SPAST: variants seen among roughly 807,000 people sequenced by gnomAD.
SPAST encodes the protein spastin.
A neutral mutation model predicts 76.6 loss-of-function variants in SPAST; 30 were observed. That is an observed-to-expected ratio of 0.39 (90% CI 0.29 to 0.53). The LOEUF (loss-of-function observed/expected upper bound fraction) is 0.53, where lower values mean the gene tolerates loss of function less well. Ranked by LOEUF, SPAST falls within the 20% of genes least tolerant of loss-of-function variation. The pLI is 0.68. For synonymous variants in SPAST, 305 were observed against 281.0 expected (o/e 1.09, Z -0.86); for missense variants, 717 against 770.5 (o/e 0.93, Z 0.82).
At chr2:32,118,739 G>A (rs1678924262) in intron 7 of SPAST, among the ~76,000 whole-genome samples, 1 of 152,152 alleles carries the variant, frequency 6.6e-6, no homozygotes, top group Admixed American at 6.5e-5. Context: ...GAGCTGCCTG[G>A]TTAGTGCTAT....
intron 1 of SPAST, among the ~76,000 whole-genome samples, chr2:32,081,234 G>A (rs753022712): frequency 6.6e-6 from 1 of 152,116 alleles, no homozygotes; most frequent in Non-Finnish European, 1.5e-5. Flanking sequence ...TGGGATTACA[G>A]GCGTGAGCCA....
chr2:32,107,603 G>C (rs534662143), intron 4 of SPAST, among the ~76,000 whole-genome samples: 8 of 152,120 alleles, frequency 5.3e-5, no homozygotes, highest in Admixed American at 3.9e-4. Context: ...GGAAATACTG[G>C]AGTATTTTGC....
Position 32,112,805 on chromosome 2 carries a change from T to C in SPAST, c.683-1833T>C, listed in dbSNP as rs534747458. Among the ~76,000 whole-genome samples the C allele has an allele frequency of 7.9e-5, 12 of 152,220 alleles. No individual in the cohort carries two copies. In the South Asian group the frequency reaches 1.2e-3, roughly 16 times the overall value. On this transcript the variant is annotated intron_variant, in intron 4 of 16. Transcript: ENST00000315285. ...AGTTTTCTTAAACCGTATTAAGAGA[T>C]TTGATTACAAAAGTAAAATTGAGGC...
At chr2:32,093,260 G>A (rs562950422) in intron 3 of SPAST, among the ~76,000 whole-genome samples, 1 of 135,476 alleles carries the variant, frequency 7.4e-6, no homozygotes, top group Non-Finnish European at 1.5e-5. Flanking sequence ...GCAGTGAGCC[G>A]AGATCCCGCC....
chr2:32,147,139 T>C (rs1323594214), intron 15 of SPAST, 79 bp from the exon 16 acceptor site: 1 of 879,090 alleles, frequency 1.1e-6, no homozygotes, highest in Non-Finnish European at 2.0e-6. Context: ...ATGTAGATCA[T>C]TGTACTTGGT....
chr2:32,089,724 A>G, intron 3 of SPAST, 119 bp downstream of exon 3: 1 of 689,822 alleles, frequency 1.4e-6, no homozygotes, highest in Non-Finnish European at 2.6e-6. Context: ...TTTTAACATA[A>G]AGAAAACGTA....
At chr2:32,064,272 C>A in intron 1 of SPAST, 26 bp downstream of exon 1, 1 of 570,630 alleles carries the variant, frequency 1.8e-6, no homozygotes, top group Non-Finnish European at 2.5e-6. Flanking sequence ...GGGGAGGGGG[C>A]GGCGGCGCCG....
At position 32,157,151 on chromosome 2, in the gene SPAST, A is replaced by G. The variant is rs1339587498; in HGVS notation, c.*2655A>G. On this transcript the variant is annotated 3_prime_UTR_variant, in exon 17 of 17. Coordinates refer to ENST00000315285, the MANE Select transcript of SPAST (RefSeq NM_014946.4). ...ACTTCCTAAAAGATAATGCTTAAACATTAAGCATTAGTGTGCTCTTCATGT... is the reference window on the plus strand; with the variant it reads ...ACTTCCTAAAAGATAATGCTTAAACGTTAAGCATTAGTGTGCTCTTCATGT... 6.6e-6 allele frequency: 1 copy of G among 152,664 alleles called. No homozygotes were observed. Among genetic ancestry groups the G allele is most frequent in the East Asian group, 1.9e-4 (1 of 5,198 alleles). 9.5% of individuals were successfully genotyped at this position (152,664 alleles called of 1,614,324 possible).
chr2:32,123,429 C>A (rs1448282930), intron 7 of SPAST, among the ~76,000 whole-genome samples: 1 of 152,098 alleles, frequency 6.6e-6, no homozygotes. Flanking sequence ...GACAGGGAGA[C>A]TAAATATTAT....
intron 7 of SPAST, 120 bp from the exon 8 acceptor site, chr2:32,126,827 TA>T: frequency 1.5e-6 from 1 of 679,916 alleles, no homozygotes; most frequent in Non-Finnish European, 2.6e-6. Flanking sequence ...GTGTTTCCTT[TA>T]AAGCTATGGG....
chr2:32,086,781 A>G (rs1437629062), intron 1 of SPAST, among the ~76,000 whole-genome samples: 1 of 152,146 alleles, frequency 6.6e-6, no homozygotes, highest in Non-Finnish European at 1.5e-5. Flanking sequence ...AAAAAGTCTA[A>G]GAAGTTAATT....
chr2:32,106,583 G>C (rs753317074), intron 4 of SPAST, among the ~76,000 whole-genome samples: 1 of 152,144 alleles, frequency 6.6e-6, no homozygotes, highest in South Asian at 2.1e-4. Context: ...GGCCATCTTG[G>C]AACCCTGCCT....
At chr2:32,064,671 A>G (rs928662628) in intron 1 of SPAST, among the ~76,000 whole-genome samples, 2 of 152,244 alleles carry the variant, frequency 1.3e-5, no homozygotes, top group Non-Finnish European at 2.9e-5. Flanking sequence ...TAATGAAAGC[A>G]GAGTATTGTA....
intron 5 of SPAST, 92 bp downstream of exon 5, chr2:32,114,917 T>G: frequency 1.1e-6 from 1 of 907,254 alleles, no homozygotes; most frequent in Non-Finnish European, 1.8e-6. Context: ...ATAAGTACTT[T>G]ATAATACTTT....
rs1481122759 is a variant in SPAST, at chr2:32,156,446, G to C, written c.*1950G>C. 1 of 152,020 alleles carries C rather than the reference G, an allele frequency of 6.6e-6. No homozygotes were observed. Among genetic ancestry groups the C allele is most frequent in the African/African-American group, 2.4e-5 (1 of 41,402 alleles). The allele number at this position is 152,020 out of a possible 1,614,324, so 9.4% of individuals were successfully genotyped here. A position where few individuals can be genotyped will look rare whatever the true frequency, so the allele number is the denominator to read the frequency against. On this transcript the variant is annotated 3_prime_UTR_variant, in exon 17 of 17. Coordinates refer to ENST00000315285, the MANE Select transcript of SPAST (RefSeq NM_014946.4). Reference sequence around the variant, plus strand: ...CCTGAATAATAAAAATGAGAGTTGAGATAAATAGGGGAAAAAAAATTTTTT... The same window carrying C: ...CCTGAATAATAAAAATGAGAGTTGACATAAATAGGGGAAAAAAAATTTTTT...
chr2:32,115,710 G>T lies in SPAST; in HGVS notation c.879G>T (p.Pro293=). 1 of 1,607,688 alleles carries T rather than the reference G, an allele frequency of 6.2e-7. No individual in the cohort carries two copies. Among genetic ancestry groups the T allele is most frequent in the Non-Finnish European group, 8.5e-7 (1 of 1,175,226 alleles). Residue 293 remains proline (P), a synonymous_variant, in exon 6 of 17, where the codon CCG becomes CCT. Coordinates refer to ENST00000315285, the MANE Select transcript of SPAST (RefSeq NM_014946.4). ...GPAPTTHKGT[P]KTNRTNKPST... Reference sequence around the variant, plus strand: ...ATTTTGTATCCTTTAAGGGTACTCCGAAAACAAATAGGACAAATAAACCTT... The same window carrying T: ...ATTTTGTATCCTTTAAGGGTACTCCTAAAACAAATAGGACAAATAAACCTT...
chr2:32,102,284 G>A (rs942625633), intron 4 of SPAST, among the ~76,000 whole-genome samples: 3 of 152,166 alleles, frequency 2.0e-5, no homozygotes, highest in African/African-American at 4.8e-5. Flanking sequence ...TCTGTTATTG[G>A]TGTATAGGAA....
chr2:32,111,364 G>A (rs1032703492), intron 4 of SPAST, among the ~76,000 whole-genome samples: 19 of 127,900 alleles, frequency 1.5e-4, no homozygotes, highest in African/African-American at 4.8e-4. Flanking sequence ...AGTGTGTATA[G>A]CGTATATATA....
At chr2:32,093,339 G>A (rs1281182594) in intron 3 of SPAST, among the ~76,000 whole-genome samples, 6 of 146,546 alleles carry the variant, frequency 4.1e-5, no homozygotes, top group Admixed American at 6.9e-5. Flanking sequence ...AAAAATAGCC[G>A]GGCATGGTGG....
Sources: allele counts gnomAD v4.1 joint callset (sites outside exome capture counted in the v4.1 genomes callset), GRCh38; gene constraint gnomAD v4.1.1; transcripts MANE v1.5; gene names NCBI Gene and HGNC (gene_info 2026-07-23, HGNC 2026-07-21).